The following PWWP3A variants were observed in gnomAD, a reference collection of about 807,000 sequenced individuals.
The protein encoded by PWWP3A is PWWP domain-containing DNA repair factor 3A.
Under a neutral mutation model 79.0 loss-of-function variants are expected in PWWP3A, and 53 were observed. That is an observed-to-expected ratio of 0.67 (90% confidence interval 0.54 to 0.84). The LOEUF (loss-of-function observed/expected upper bound fraction) is 0.84. Among genes scored for constraint, PWWP3A ranks in the 40% least tolerant of loss-of-function variants. PWWP3A has a pLI of 0.00. For missense variants in PWWP3A, 973 were observed against 948.0 expected, an observed-to-expected ratio of 1.03 and a Z score of -0.35; for synonymous variants, 443 against 394.4, an observed-to-expected ratio of 1.12 and a Z score of -1.46.
In PWWP3A at chr19:1,369,488, C is replaced by G. The variant is rs2082203604; in HGVS notation, c.1499-108C>G. ...CCCTGTGGGTGGGCTGGGGTTCTGGCCTGGCCTGATTATTTCCTAAACAGA... is the reference window on the plus strand; with the variant it reads ...CCCTGTGGGTGGGCTGGGGTTCTGGGCTGGCCTGATTATTTCCTAAACAGA... On this transcript the variant is annotated intron_variant, in intron 10 of 13. Coordinates refer to ENST00000591337, the MANE Select transcript of PWWP3A (RefSeq NM_001369789.1). This position sits in a 1 kb window ranked among gnomAD's most constrained non-coding sequence, Gnocchi z 4.0. 5 of 1,512,038 alleles carry G rather than the reference C, an allele frequency of 3.3e-6. No homozygotes were observed. The South Asian group carries it at 5.6e-5, about 17-fold the overall frequency. 93.7% of individuals were successfully genotyped at this position (1,512,038 alleles called of 1,614,324 possible). A position where few individuals can be genotyped will look rare whatever the true frequency, so the allele number is the denominator to read the frequency against.
At chr19:1,362,548 A>G (rs2082041492) in intron 6 of PWWP3A, among the ~76,000 whole-genome samples, 197 bp downstream of exon 6, 1 of 152,192 alleles carries the variant, frequency 6.6e-6, no homozygotes, top group African/African-American at 2.4e-5. Context: ...AACCTACACA[A>G]AGGGACGAGA....
chr19:1,361,172 C>T lies in PWWP3A; in HGVS notation c.1111+140C>T, dbSNP rs188230088. 7.6e-3 allele frequency: 5,828 copies of T among 768,860 alleles called. 21 individuals carry two copies. The highest frequency in any genetic ancestry group is 9.3e-3 in the Non-Finnish European group (5,141 of 549,870). The allele number at this position is 768,860 out of a possible 1,614,324, so 47.6% of individuals were successfully genotyped here. A position where few individuals can be genotyped will look rare whatever the true frequency, so the allele number is the denominator to read the frequency against. On this transcript the variant is annotated intron_variant, in intron 5 of 13. Transcript: ENST00000591337. ...CAAAATAGACTTAGAGCAGAGACTTCCTCATTCCTTTTTGTCTGTCTCCCC... is the reference window on the plus strand; with the variant it reads ...CAAAATAGACTTAGAGCAGAGACTTTCTCATTCCTTTTTGTCTGTCTCCCC...
chr19:1,370,597 A>G (rs2082231678), intron 11 of PWWP3A, 45 bp from the exon 12 acceptor site: 23 of 1,427,292 alleles, frequency 1.6e-5, no homozygotes, highest in Non-Finnish European at 2.1e-5. Flanking sequence ...CCACCCGAGG[A>G]AGGCAGCCCA....
At position 1,376,563 on chromosome 19, in the gene PWWP3A, G is replaced by GGC. The variant is rs1326471970; in HGVS notation, c.2123_2124dup (p.Arg709AlafsTer24). On this transcript the variant is annotated frameshift_variant, in exon 14 of 14. Transcript: ENST00000591337. LOFTEE classifies it high-confidence loss of function. ...AACCAGCTCCTTGAAGAGCGGAACCGGCGCCGTCGGTGAGGGAGCAGCCGG... is the reference window on the plus strand; with the variant it reads ...AACCAGCTCCTTGAAGAGCGGAACCGGCGCGCCGTCGGTGAGGGAGCAGCCGG... 4.3e-6 allele frequency: 7 copies of GGC among 1,613,422 alleles called. No individual in the cohort carries two copies. In the African/African-American group the frequency reaches 9.3e-5, roughly 22 times the overall value.
At chr19:1,362,396 A>G in intron 6 of PWWP3A, 45 bp downstream of exon 6, 1 of 1,519,296 alleles carries the variant, frequency 6.6e-7, no homozygotes, top group Non-Finnish European at 9.0e-7. Context: ...CGGTGCGCTC[A>G]GAGGCAGCGG....
chr19:1,358,262 G>A, intron 3 of PWWP3A, 132 bp from the exon 4 acceptor site: 1 of 780,998 alleles, frequency 1.3e-6, no homozygotes, highest in Non-Finnish European at 2.1e-6. Flanking sequence ...CTAGTTGGCT[G>A]TGACTTTTGG....
At chr19:1,356,264 T>A in intron 1 of PWWP3A, 60 bp from the exon 2 acceptor site, 1 of 867,046 alleles carries the variant, frequency 1.2e-6, no homozygotes. Flanking sequence ...CTGAGGGCTG[T>A]GTCTGCGTTA....
rs768748297 is a variant in PWWP3A at position 1,369,678 on chromosome 19, G to A, written c.1549+32G>A. The A allele has an allele frequency of 8.1e-6, 13 of 1,612,564 alleles. No individual in the cohort carries two copies. In the Admixed American group the frequency reaches 8.3e-5, roughly 10 times the overall value. Reference sequence around the variant, plus strand: ...CTACAGGCACATCTTGGAAAATGTGGTTTGCCTTTTAGCCCTTTAGAAAAA... The same window carrying A: ...CTACAGGCACATCTTGGAAAATGTGATTTGCCTTTTAGCCCTTTAGAAAAA... On this transcript the variant is annotated intron_variant, in intron 11 of 13. Coordinates refer to ENST00000591337, the MANE Select transcript of PWWP3A (RefSeq NM_001369789.1). This position sits in a 1 kb window ranked among gnomAD's most constrained non-coding sequence, Gnocchi z 4.0.
intron 5 of PWWP3A, among the ~76,000 whole-genome samples, chr19:1,361,315 C>T (rs547574226): frequency 2.0e-5 from 3 of 152,350 alleles, no homozygotes; most frequent in South Asian, 4.1e-4. Flanking sequence ...TTGTCTGCGG[C>T]GCGGCTGGGA....
chr19:1,364,430 G>T, intron 6 of PWWP3A, 79 bp from the exon 7 acceptor site: 1 of 1,031,070 alleles, frequency 9.7e-7, no homozygotes, highest in Non-Finnish European at 1.5e-6. Flanking sequence ...TGTTTTCTCA[G>T]GCTGTTACAC....
At chr19:1,358,785 TC>T (rs2081944448) in intron 4 of PWWP3A, 1 of 781,112 alleles carries the variant, frequency 1.3e-6, no homozygotes, top group Admixed American at 2.2e-5. Context: ...GGGGAGGTCC[TC>T]CTTTTTCCTT....
rs1035177970 is a variant in PWWP3A, at chr19:1,377,500, C to T, written c.*924C>T. ...CAGCCTTTGTATGGAGGCCCAACCG[C>T]GCTCCCGTCTGGAGAAGCGGCTTCC... is the stretch of plus-strand genomic sequence containing the variant. On this transcript the variant is annotated 3_prime_UTR_variant, in exon 14 of 14. Transcript: ENST00000591337. 2.0e-5 allele frequency: 3 copies of T among 152,440 alleles called. No individual in the cohort carries two copies. The highest frequency in any genetic ancestry group is 4.4e-5 in the Non-Finnish European group (3 of 68,204). 9.4% of individuals were successfully genotyped at this position (152,440 alleles called of 1,614,324 possible).
rs2081980845 is a variant in PWWP3A at position 1,360,289 on chromosome 19, C to T, written c.368C>T (p.Pro123Leu). The T allele has an allele frequency of 3.7e-6, 6 of 1,613,836 alleles. No individual in the cohort carries two copies. Among genetic ancestry groups the T allele is most frequent in the Admixed American group, 1.7e-5 (1 of 59,974 alleles). Residue 123 changes from proline (P) to leucine (L), a missense_variant, in exon 5 of 14, where the codon CCC becomes CTC. Physicochemically the swap from Pro to Leu is moderately conservative, Grantham distance 98. Transcript: ENST00000591337. The surrounding 1 kb of genome is among the most constrained non-coding windows in gnomAD (Gnocchi z 4.4). ...GRADRSLRGK[P>L]MEHVSSPCDS... Reference sequence around the variant, plus strand: ...GCTGACCGGTCTCTGCGAGGGAAGCCCATGGAGCATGTCTCCTCGCCCTGT... The same window carrying T: ...GCTGACCGGTCTCTGCGAGGGAAGCTCATGGAGCATGTCTCCTCGCCCTGT...
chr19:1,355,514 C>T (rs1408722151), intron 1 of PWWP3A, among the ~76,000 whole-genome samples: 5 of 125,266 alleles, frequency 4.0e-5, no homozygotes, highest in African/African-American at 9.0e-5. Context: ...CCCATCCCTG[C>T]CACCTGGACC....
rs866803792 is a variant in PWWP3A, at chr19:1,371,028, C to G, written c.1936C>G (p.Arg646Gly). 2 of 1,574,894 alleles carry G rather than the reference C, an allele frequency of 1.3e-6. No homozygotes were observed. Among genetic ancestry groups the G allele is most frequent in the Non-Finnish European group, 1.7e-6 (2 of 1,160,038 alleles). The change falls in exon 12 of 14, where the codon CGC becomes GGC. Residue 646 changes from arginine to glycine, a missense_variant. Physicochemically the swap from Arg to Gly is moderately radical, Grantham distance 125. Coordinates refer to ENST00000591337, the MANE Select transcript of PWWP3A (RefSeq NM_001369789.1). ...YQEVGAKVLQ[R>G]TNGDRIRFIL... The stretch of plus-strand genomic sequence containing the variant: ...GGAGGTGGGGGCCAAGGTGCTCCAG[C>G]GCACCAACGGCGACCGGATCCGGTT...
rs569985885 is a variant in PWWP3A at position 1,369,730 on chromosome 19, A to C, written c.1549+84A>C. The C allele has an allele frequency of 1.7e-3, 2,505 of 1,476,244 alleles. 4 individuals are homozygous for C. Among genetic ancestry groups the C allele is most frequent in the Non-Finnish European group, 2.2e-3 (2,303 of 1,054,550 alleles). 91.4% of individuals were successfully genotyped at this position (1,476,244 alleles called of 1,614,324 possible). On this transcript the variant is annotated intron_variant, in intron 11 of 13. Transcript: ENST00000591337. This position sits in a 1 kb window ranked among gnomAD's most constrained non-coding sequence, Gnocchi z 4.0. ...AATCTTCTATGTCTGAAGCTGTGGA[A>C]GGGGACGTTGGGGTCAAGGCACTGT...
intron 3 of PWWP3A, chr19:1,357,965 C>T (rs561209991): frequency 2.8e-4 from 46 of 165,902 alleles, no homozygotes; most frequent in Admixed American, 1.2e-3. Context: ...ACTTTCCCTG[C>T]GGCTGGGAAG....
intron 12 of PWWP3A, chr19:1,372,836 T>C (rs2082290790): frequency 4.4e-6 from 2 of 453,514 alleles, no homozygotes; most frequent in Admixed American, 7.7e-5. Context: ...TTTTCTTCTC[T>C]GCTTTTAGTG....
rs992639601 is a variant in PWWP3A, at chr19:1,373,061, C to T, written c.1987-11C>T. ...GTGCCTGCTGCTATTGAGCCCCGTG[C>T]CCTCTCACAGGCCATCATCTGTGCG... On this transcript the variant is annotated splice_polypyrimidine_tract_variant and intron_variant, in intron 12 of 13. Transcript: ENST00000591337. 2.5e-6 allele frequency: 4 copies of T among 1,613,632 alleles called. No individual in the cohort carries two copies. Among genetic ancestry groups the T allele is most frequent in the Non-Finnish European group, 3.4e-6 (4 of 1,179,716 alleles).
Sources: gnomAD v4.1 joint callset for allele counts (sites outside exome capture counted in the v4.1 genomes callset) on GRCh38, gnomAD v4.1.1 for gene constraint, Gnocchi (gnomAD v3.1) non-coding constraint, MANE v1.5 for transcripts, NCBI Gene and HGNC (gene_info 2026-07-23, HGNC 2026-07-21) for gene names.